GRIK2: variants seen among roughly 807,000 people sequenced by gnomAD.
The protein encoded by GRIK2 is glutamate receptor ionotropic, kainate 2.
A neutral mutation model predicts 100.3 loss-of-function variants in GRIK2; 32 were observed. The ratio of observed to expected loss-of-function variants is 0.32; its 90% CI spans 0.24 to 0.43. GRIK2 has a LOEUF of 0.43. Ranked by LOEUF, GRIK2 falls within the 20% of genes least tolerant of loss-of-function variation. The pLI is 1.00. For missense variants in GRIK2, 843 were observed against 1,114.9 expected (o/e 0.76, Z 3.47); for synonymous variants, 417 against 389.4 (o/e 1.07, Z -0.83).
chr6:101,525,926 C>T (rs1775129412), intron 2 of GRIK2, among the ~76,000 whole-genome samples: 1 of 152,140 alleles, frequency 6.6e-6, no homozygotes. Context: ...TGGAAGGAAA[C>T]AGACACTACC....
chr6:101,622,481 C>A (rs1395723022), intron 3 of GRIK2, among the ~76,000 whole-genome samples: 1 of 151,842 alleles, frequency 6.6e-6, no homozygotes, highest in East Asian at 1.9e-4. Context: ...TCTTTCAATC[C>A]CATTATATTA....
chr6:102,001,595 C>T (rs1000023898), intron 14 of GRIK2, among the ~76,000 whole-genome samples: 1 of 151,926 alleles, frequency 6.6e-6, no homozygotes, highest in East Asian at 1.9e-4. Context: ...TTTTCTTTAT[C>T]CAGTCTATCA....
intron 15 of GRIK2, among the ~76,000 whole-genome samples, chr6:102,049,506 A>C (rs1771063764): frequency 6.6e-6 from 1 of 152,184 alleles, no homozygotes; most frequent in Non-Finnish European, 1.5e-5. Flanking sequence ...ATTAGAAACA[A>C]GTTTTATTTA....
intron 10 of GRIK2, among the ~76,000 whole-genome samples, chr6:101,825,909 T>C (rs1251637786): frequency 6.6e-6 from 1 of 152,080 alleles, no homozygotes; most frequent in Non-Finnish European, 1.5e-5. Flanking sequence ...TGAACTGAGA[T>C]TCAAATGTAA....
chr6:101,865,030 G>C (rs995518158), intron 11 of GRIK2, among the ~76,000 whole-genome samples: 1 of 151,960 alleles, frequency 6.6e-6, no homozygotes, highest in African/African-American at 2.4e-5. Context: ...AGAGTGCATC[G>C]GGCAATAAAT....
intron 2 of GRIK2, among the ~76,000 whole-genome samples, chr6:101,513,580 GTTC>G (rs1554212195): frequency 3.3e-5 from 5 of 152,092 alleles, no homozygotes; most frequent in Non-Finnish European, 7.4e-5. Flanking sequence ...ATATTTTGAT[GTTC>G]TTCTTTATCT....
chr6:101,925,517 T>C (rs914027705), intron 13 of GRIK2, among the ~76,000 whole-genome samples: 3 of 152,028 alleles, frequency 2.0e-5, no homozygotes, highest in Admixed American at 2.0e-4. Flanking sequence ...GCTAGACCTA[T>C]TACTCAAAAT....
intron 14 of GRIK2, among the ~76,000 whole-genome samples, chr6:101,946,510 T>A (rs1791285336): frequency 7.5e-6 from 1 of 132,634 alleles, no homozygotes; most frequent in African/African-American, 2.7e-5. Context: ...AGTCTTGGAT[T>A]GCTGTTGAAA....
At chr6:101,898,669 G>T (rs1787640876) in intron 12 of GRIK2, among the ~76,000 whole-genome samples, 1 of 152,028 alleles carries the variant, frequency 6.6e-6, no homozygotes, top group East Asian at 1.9e-4. Flanking sequence ...TATTAGCTAC[G>T]TGTTATAAAG....
intron 10 of GRIK2, among the ~76,000 whole-genome samples, chr6:101,834,753 C>T (rs1004555566): frequency 6.6e-6 from 1 of 152,010 alleles, no homozygotes; most frequent in Non-Finnish European, 1.5e-5. Context: ...ATATCACCTT[C>T]CAGGGCAGAC....
intron 2 of GRIK2, among the ~76,000 whole-genome samples, chr6:101,426,439 A>G (rs1776702527): frequency 2.0e-5 from 3 of 152,070 alleles, no homozygotes; most frequent in Admixed American, 2.0e-4. Context: ...ATCTAACTGT[A>G]TTTTTGTATC....
intron 12 of GRIK2, among the ~76,000 whole-genome samples, chr6:101,894,838 T>C (rs1018606246): frequency 6.6e-6 from 1 of 151,670 alleles, no homozygotes; most frequent in African/African-American, 2.4e-5. Flanking sequence ...CTGAAATTCA[T>C]TATTGGTCTA....
chr6:101,519,308 T>C (rs1774752279), intron 2 of GRIK2, among the ~76,000 whole-genome samples: 1 of 120,208 alleles, frequency 8.3e-6, no homozygotes, highest in Non-Finnish European at 1.6e-5. Flanking sequence ...AACGTGTGTG[T>C]GTGTGTGTGT....
At chr6:101,848,891 A>G (rs1163523477) in intron 10 of GRIK2, among the ~76,000 whole-genome samples, 1 of 151,904 alleles carries the variant, frequency 6.6e-6, no homozygotes, top group African/African-American at 2.4e-5. Context: ...TTTGCTGAAA[A>G]TCTTCCTTTA....
intron 7 of GRIK2, 86 bp from the exon 8 acceptor site, chr6:101,799,562 C>T: frequency 1.0e-6 from 1 of 986,180 alleles, no homozygotes; most frequent in Non-Finnish European, 1.6e-6. Context: ...TTTCCCTTAC[C>T]TCTTCCCTCT....
chr6:102,030,938 A>AATC (rs2114406247), intron 14 of GRIK2, among the ~76,000 whole-genome samples: 1 of 151,208 alleles, frequency 6.6e-6, no homozygotes, highest in South Asian at 2.1e-4. Flanking sequence ...CACTAGGTAT[A>AATC]ATCTTTCTCC....
intron 10 of GRIK2, among the ~76,000 whole-genome samples, chr6:101,854,098 G>A (rs1043547199): frequency 7.2e-5 from 11 of 152,156 alleles, no homozygotes; most frequent in African/African-American, 2.7e-4. Flanking sequence ...TGGTAATGAT[G>A]TGCCAGTGAA....
At chr6:101,539,628 C>T (rs771298665) in intron 2 of GRIK2, among the ~76,000 whole-genome samples, 1 of 151,584 alleles carries the variant, frequency 6.6e-6, no homozygotes, top group Admixed American at 6.6e-5. Flanking sequence ...TTCTAGTGGG[C>T]CTTCTTTTAT....
intron 7 of GRIK2, among the ~76,000 whole-genome samples, chr6:101,703,602 G>C (rs1367434931): frequency 2.0e-5 from 3 of 151,634 alleles, no homozygotes; most frequent in African/African-American, 7.3e-5. Context: ...TATTTCAATG[G>C]GGTTTCAATT....
Sources: gnomAD v4.1 joint callset for allele counts (sites outside exome capture counted in the v4.1 genomes callset) on GRCh38, gnomAD v4.1.1 for gene constraint, MANE v1.5 for transcripts, NCBI Gene and HGNC (gene_info 2026-07-23, HGNC 2026-07-21) for gene names.